Variants in TMEM108 observed in about 807,000 individuals in gnomAD.
TMEM108 encodes the protein transmembrane protein 108.
A neutral mutation model predicts 35.1 loss-of-function variants in TMEM108; 12 were observed. The ratio of observed to expected loss-of-function variants is 0.34; its 90% CI spans 0.22 to 0.55. The LOEUF (loss-of-function observed/expected upper bound fraction) is 0.55, where lower values mean the gene tolerates loss of function less well. TMEM108 is among the 20% of genes least tolerant of loss of function. The pLI, the probability that TMEM108 is intolerant of heterozygous loss-of-function variation, is 0.89. For synonymous variants in TMEM108, 287 were observed against 308.6 expected (o/e 0.93, Z 0.73); for missense variants, 680 against 753.3 (o/e 0.90, Z 1.14).
chr3:133,193,102 C>T (rs1464483695), intron 2 of TMEM108, among the ~76,000 whole-genome samples: 4 of 152,086 alleles, frequency 2.6e-5, no homozygotes, highest in Non-Finnish European at 4.4e-5. Context: ...CATTGCTTTA[C>T]AAAGCAACAT....
intron 3 of TMEM108, among the ~76,000 whole-genome samples, chr3:133,234,063 T>C (rs1457018200): frequency 1.3e-5 from 2 of 152,118 alleles, no homozygotes; most frequent in African/African-American, 4.8e-5. Flanking sequence ...CATTTGTCAA[T>C]TTTGGCTTTT....
At chr3:133,331,465 G>A (rs1324546951) in intron 3 of TMEM108, among the ~76,000 whole-genome samples, 1 of 152,192 alleles carries the variant, frequency 6.6e-6, no homozygotes, top group Non-Finnish European at 1.5e-5. Flanking sequence ...TAGAGGCAGA[G>A]AAACTAGACA....
chr3:133,384,335 T>C (rs1336598560), intron 4 of TMEM108, among the ~76,000 whole-genome samples: 1 of 152,140 alleles, frequency 6.6e-6, no homozygotes, highest in Non-Finnish European at 1.5e-5. Context: ...GAGTCAGAAT[T>C]CAGATGGGCG....
intron 3 of TMEM108, among the ~76,000 whole-genome samples, chr3:133,336,422 T>C (rs948948519): frequency 4.6e-5 from 7 of 152,006 alleles, no homozygotes; most frequent in Admixed American, 3.9e-4. Context: ...AGGGCAACAG[T>C]CAGAGTATGA....
intron 2 of TMEM108, among the ~76,000 whole-genome samples, chr3:133,090,178 A>G (rs1165905528): frequency 1.3e-5 from 2 of 152,120 alleles, no homozygotes; most frequent in Non-Finnish European, 2.9e-5. Flanking sequence ...TTTTAAAAAC[A>G]TGTAGATTGT....
intron 3 of TMEM108, chr3:133,253,572 T>C (rs760810062): frequency 6.6e-6 from 1 of 152,240 alleles, no homozygotes; most frequent in Admixed American, 6.5e-5. Context: ...GTATGTGGTC[T>C]CTTCAAGTTA....
chr3:133,155,607 T>C (rs1944869106), intron 2 of TMEM108, among the ~76,000 whole-genome samples: 1 of 152,194 alleles, frequency 6.6e-6, no homozygotes, highest in African/African-American at 2.4e-5. Context: ...TAATGATCAG[T>C]GATATTGAGC....
At chr3:133,113,223 G>A (rs1329833144) in intron 2 of TMEM108, among the ~76,000 whole-genome samples, 1 of 152,202 alleles carries the variant, frequency 6.6e-6, no homozygotes, top group African/African-American at 2.4e-5. Context: ...ATAGGTGTTA[G>A]AGGCATGTGC....
intron 3 of TMEM108, among the ~76,000 whole-genome samples, chr3:133,232,436 G>C (rs1333321981): frequency 6.6e-6 from 1 of 152,172 alleles, no homozygotes. Context: ...AGTGGAAGCA[G>C]CTTGAGGCCC....
At chr3:133,320,085 T>C (rs1217533516) in intron 3 of TMEM108, among the ~76,000 whole-genome samples, 1 of 152,024 alleles carries the variant, frequency 6.6e-6, no homozygotes, top group South Asian at 2.1e-4. Flanking sequence ...CTGGGCAACA[T>C]AGACTCCATC....
intron 3 of TMEM108, among the ~76,000 whole-genome samples, chr3:133,266,738 G>A (rs1946701543): frequency 6.6e-6 from 1 of 152,142 alleles, no homozygotes; most frequent in Non-Finnish European, 1.5e-5. Flanking sequence ...GCTGACCCAT[G>A]TGACATGGCT....
intron 3 of TMEM108, among the ~76,000 whole-genome samples, chr3:133,276,384 G>A (rs185098248): frequency 6.6e-6 from 1 of 152,272 alleles, no homozygotes; most frequent in East Asian, 1.9e-4. Context: ...TGGTTAAGGA[G>A]AATGGAAATC....
chr3:133,115,468 G>A lies in TMEM108; in HGVS notation c.-47+69448G>A, dbSNP rs144528438. On this transcript the variant is annotated intron_variant, in intron 2 of 5. Coordinates refer to ENST00000321871, the MANE Select transcript of TMEM108 (RefSeq NM_023943.4). Reference sequence around the variant, plus strand: ...TTACCCCATTTGAGGGGAGGAAACTGAGGTTCAAAGAGGTGACTCCTTTCA... The same window carrying A: ...TTACCCCATTTGAGGGGAGGAAACTAAGGTTCAAAGAGGTGACTCCTTTCA... Among the ~76,000 whole-genome samples, 241 of 152,302 alleles carry A rather than the reference G, an allele frequency of 1.6e-3. 2 individuals are homozygous for A. Among genetic ancestry groups the A allele is most frequent in the African/African-American group, 5.8e-3 (239 of 41,562 alleles).
chr3:133,101,472 C>T (rs925290563), intron 2 of TMEM108, among the ~76,000 whole-genome samples: 1 of 152,180 alleles, frequency 6.6e-6, no homozygotes, highest in Non-Finnish European at 1.5e-5. Context: ...TACATCAAAC[C>T]ACATATCCTA....
chr3:133,222,950 A>G (rs569028946), intron 2 of TMEM108, among the ~76,000 whole-genome samples: 113 of 152,208 alleles, frequency 7.4e-4, no homozygotes, highest in African/African-American at 2.5e-3. Flanking sequence ...CCTCTCAAGA[A>G]GCTGGGACCA....
intron 2 of TMEM108, among the ~76,000 whole-genome samples, chr3:133,052,695 A>AT (rs1190869275): frequency 1.3e-5 from 2 of 150,906 alleles, no homozygotes; most frequent in East Asian, 1.9e-4. Flanking sequence ...TTTCTTACCC[A>AT]TTTTTTTCTG....
At chr3:133,120,195 T>A (rs1316931839) in intron 2 of TMEM108, among the ~76,000 whole-genome samples, 1 of 152,228 alleles carries the variant, frequency 6.6e-6, no homozygotes, top group Non-Finnish European at 1.5e-5. Flanking sequence ...TGAGTGCACA[T>A]CTTTTGGGTT....
rs536572309 is a variant in TMEM108, at chr3:133,356,026, A to T, written c.41-23726A>T. Among the ~76,000 whole-genome samples, 5 of 152,304 alleles carry T rather than the reference A, an allele frequency of 3.3e-5. No individual in the cohort carries two copies. The East Asian group carries it at 9.6e-4, about 29-fold the overall frequency. ...GGGCATCCAAATTGGAAAACAGGAA[A>T]TCAAACTGTCAGTGTTCTCCAATGA... On this transcript the variant is annotated intron_variant, in intron 3 of 5. Coordinates refer to ENST00000321871, the MANE Select transcript of TMEM108 (RefSeq NM_023943.4).
At chr3:133,211,788 A>G (rs778217015) in intron 2 of TMEM108, among the ~76,000 whole-genome samples, 2 of 152,188 alleles carry the variant, frequency 1.3e-5, no homozygotes, top group African/African-American at 2.4e-5. Context: ...CACTCAAGCA[A>G]TTACTTCTGA....
Sources: allele counts gnomAD v4.1 joint callset (sites outside exome capture counted in the v4.1 genomes callset), GRCh38; gene constraint gnomAD v4.1.1; transcripts MANE v1.5; gene names NCBI Gene and HGNC (gene_info 2026-07-23, HGNC 2026-07-21).